The following CYP2F1 variants were observed in gnomAD, a reference collection of about 807,000 sequenced individuals.
CYP2F1 encodes the protein cytochrome P450 family 2 subfamily F member 1, also known as cytochrome P450 2F1.
CYP2F1 carries 33 observed loss-of-function variants against 40.4 expected under a neutral mutation model. That is an observed-to-expected ratio of 0.82 (90% CI 0.62 to 1.09). The LOEUF (loss-of-function observed/expected upper bound fraction) is 1.09, where lower values mean the gene tolerates loss of function less well. Among genes scored for constraint, CYP2F1 ranks in the 50% least tolerant of loss-of-function variants. The pLI, the probability that CYP2F1 is intolerant of heterozygous loss-of-function variation, is 0.00. For missense variants in CYP2F1, 566 were observed against 655.7 expected (o/e 0.86, Z 1.49); for synonymous variants, 235 against 277.2 (o/e 0.85, Z 1.51).
In CYP2F1 at chr19:41,121,966, A is replaced by G. The variant is rs745897100; in HGVS notation, c.655A>G (p.Ile219Val). The part of the protein sequence containing the change: ...MSSPWGELYD[I>V]FPSLLDWVPG... The stretch of plus-strand genomic sequence containing the variant: ...TCTGTCTGGTCCCCAGTTGTACGAC[A>G]TCTTCCCGAGCCTCCTGGACTGGGT... The change falls in exon 6 of 10, where the codon ATC (isoleucine) becomes GTC (valine). Residue 219 changes from isoleucine (I) to valine (V), a missense_variant. Coordinates refer to ENST00000331105, the MANE Select transcript of CYP2F1 (RefSeq NM_000774.5). 7.4e-6 allele frequency: 12 copies of G among 1,613,116 alleles called. No individual in the cohort carries two copies. The highest frequency in any genetic ancestry group is 1.0e-5 in the Non-Finnish European group (12 of 1,179,682).
intron 4 of CYP2F1, 67 bp downstream of exon 4, chr19:41,120,563 C>T: frequency 1.3e-6 from 2 of 1,562,428 alleles, no homozygotes; most frequent in Non-Finnish European, 1.7e-6. Context: ...TGGATGGCAG[C>T]CTTGACCTCC....
chr19:41,124,239 T>C (rs867907495), intron 7 of CYP2F1, among the ~76,000 whole-genome samples: 2 of 110,798 alleles, frequency 1.8e-5, no homozygotes, highest in Admixed American at 9.8e-5. Context: ...TTTTTTTTTT[T>C]CCTCTTCCCC....
At chr19:41,116,785 C>A (rs908392247) in intron 3 of CYP2F1, among the ~76,000 whole-genome samples, 168 bp downstream of exon 3, 3 of 151,956 alleles carry the variant, frequency 2.0e-5, no homozygotes, top group Admixed American at 2.0e-4. Flanking sequence ...AAATTCTCTC[C>A]CACCTTCCTC....
Position 41,124,813 on chromosome 19 carries a change from C to T in CYP2F1, c.1059C>T (p.Ile353=). 6.2e-7 allele frequency: 1 copy of T among 1,611,536 alleles called. No individual in the cohort carries two copies. The highest frequency in any genetic ancestry group is 8.5e-7 in the Non-Finnish European group (1 of 1,179,752). The change falls in exon 8 of 10, where the codon ATC becomes ATT. Residue 353 remains isoleucine (I), a synonymous_variant. Transcript: ENST00000331105. ...RAAMPYTDAV[I]HEVQRFADII... ...CCATGCCTTACACAGACGCGGTGAT[C>T]CACGAGGTGCAGCGCTTTGCAGACA...
At chr19:41,116,418 A>G in intron 2 of CYP2F1, 37 bp from the exon 3 acceptor site, 1 of 1,608,208 alleles carries the variant, frequency 6.2e-7, no homozygotes, top group Non-Finnish European at 8.5e-7. Flanking sequence ...TCCCATGGCC[A>G]CAGGCCCCCC....
At chr19:41,120,283 A>G (rs1205843434) in intron 3 of CYP2F1, 64 bp from the exon 4 acceptor site, 16 of 1,468,022 alleles carry the variant, frequency 1.1e-5, no homozygotes, top group Non-Finnish European at 1.4e-5. Context: ...ATGAAAGGGG[A>G]CCTGGGTGGC....
Position 41,124,741 on chromosome 19 carries a change from C to T in CYP2F1, c.987C>T (p.Asp329=). The change falls in exon 8 of 10, where the codon GAC becomes GAT. Residue 329 remains aspartate, a synonymous_variant. Coordinates refer to ENST00000331105, the MANE Select transcript of CYP2F1 (RefSeq NM_000774.5). ...CAGCCCGCGTGCAGGAGGAGATCGA[C>T]CTCGTGGTGGGACGCGCGCGGCTGC... ...KVQARVQEEI[D]LVVGRARLPA... 6.2e-7 allele frequency: 1 copy of T among 1,604,570 alleles called. No individual in the cohort carries two copies. The highest frequency in any genetic ancestry group is 8.5e-7 in the Non-Finnish European group (1 of 1,179,376).
chr19:41,124,962 C>T, intron 8 of CYP2F1, 56 bp downstream of exon 8: 1 of 1,471,442 alleles, frequency 6.8e-7, no homozygotes, highest in Admixed American at 1.9e-5. Flanking sequence ...ATCGCAGGCT[C>T]TTGCACTGGC....
chr19:41,127,575 C>T (rs1027436432), intron 9 of CYP2F1, among the ~76,000 whole-genome samples: 1 of 152,138 alleles, frequency 6.6e-6, no homozygotes, highest in African/African-American at 2.4e-5. Context: ...CTCAAGGGAT[C>T]CTCTTCCCTC....
At position 41,123,891 on chromosome 19, in the gene CYP2F1, G is replaced by A. The variant is rs1358310040; in HGVS notation, c.965-828G>A. Among the ~76,000 whole-genome samples the A allele has an allele frequency of 3.3e-5, 5 of 152,152 alleles. No homozygotes were observed. The East Asian group carries it at 5.8e-4, about 18-fold the overall frequency. On this transcript the variant is annotated intron_variant, in intron 7 of 9. Coordinates refer to ENST00000331105, the MANE Select transcript of CYP2F1 (RefSeq NM_000774.5). ...ACATGCGTCCACCTCCGGCTTCAGA[G>A]CCCTGCCCTGGAGCCCCAGCCATGT... is the stretch of plus-strand genomic sequence containing the variant.
chr19:41,127,873 G>A (rs533146538), intron 9 of CYP2F1, 28 bp from the exon 10 acceptor site: 924 of 1,593,250 alleles, frequency 5.8e-4, no homozygotes, highest in Middle Eastern at 8.4e-4. Context: ...TTATCTCACC[G>A]CCGCTCCCCA....
intron 9 of CYP2F1, 34 bp from the exon 10 acceptor site, chr19:41,127,867 C>G: frequency 6.3e-7 from 1 of 1,589,434 alleles, no homozygotes; most frequent in Non-Finnish European, 8.6e-7. Context: ...CTCATCTTAT[C>G]TCACCGCCGC....
intron 3 of CYP2F1, among the ~76,000 whole-genome samples, chr19:41,117,116 C>A (rs560439783): frequency 4.6e-5 from 7 of 152,092 alleles, no homozygotes; most frequent in Admixed American, 4.6e-4. Context: ...CCATCCTAGT[C>A]CCTTTAGTCA....
intron 3 of CYP2F1, among the ~76,000 whole-genome samples, chr19:41,119,723 C>CTCTCTCTCTCTCTCTCTCTA (rs1478574507): frequency 2.8e-5 from 1 of 35,804 alleles, no homozygotes. Flanking sequence ...CTCTCTCTCT[C>CTCTCTCTCTCTCTCTCTCTA]TATATATATA....
chr19:41,121,554 G>A lies in CYP2F1; in HGVS notation c.581G>A (p.Arg194His), dbSNP rs746849388. 9.3e-6 allele frequency: 15 copies of A among 1,609,356 alleles called. No individual in the cohort carries two copies. The Admixed American group carries it at 1.2e-4, about 13-fold the overall frequency. ...AGCCGCTTCGACTATGATGATGAGC[G>A]TCTGCTCACCATTATCCGCCTTATC... ...FGSRFDYDDE[R>H]LLTIIRLIND... is the part of the protein sequence containing the mutation. Residue 194 changes from arginine to histidine, a missense_variant, in exon 5 of 10, where the codon CGT (arginine) becomes CAT (histidine). Around this residue, in one of 5 missense-constraint regions of CYP2F1, gnomAD observed 264 missense variants for 275.7 expected, o/e 0.96. Transcript: ENST00000331105.
In CYP2F1 at chr19:41,125,485, C is replaced by T. The variant is rs1369551980; in HGVS notation, c.1153-8C>T. 1.4e-6 allele frequency: 2 copies of T among 1,429,990 alleles called. No individual in the cohort carries two copies. Among genetic ancestry groups the T allele is most frequent in the Admixed American group, 3.7e-5 (2 of 54,216 alleles). 88.6% of individuals were successfully genotyped at this position (1,429,990 alleles called of 1,614,324 possible). A position where few individuals can be genotyped will look rare whatever the true frequency, so the allele number is the denominator to read the frequency against. The stretch of plus-strand genomic sequence containing the variant: ...TACACTGCTAAGTCCACCTCCTCAC[C>T]CACACAGGGCACCGATGTCATCACC... On this transcript the variant is annotated splice_region_variant and splice_polypyrimidine_tract_variant and intron_variant, in intron 8 of 9. Transcript: ENST00000331105.
intron 7 of CYP2F1, 154 bp downstream of exon 7, chr19:41,123,117 C>G: frequency 1.2e-6 from 1 of 838,492 alleles, no homozygotes; most frequent in Non-Finnish European, 2.0e-6. Context: ...GGAGGCCGAT[C>G]CCACCACATG....
chr19:41,115,300 CTCTG>C (rs2031728758), intron 1 of CYP2F1, among the ~76,000 whole-genome samples: 2 of 152,302 alleles, frequency 1.3e-5, no homozygotes, highest in Admixed American at 6.5e-5. Context: ...CCATGTCCCT[CTCTG>C]TCTCTCAGTC....
rs371341517 is a variant in CYP2F1, at chr19:41,124,857, C to G, written c.1103C>G (p.Pro368Arg). ...GCAGACATCATCCCCATGAACTTGC[C>G]GCACCGCGTCACTAGGGACACGGCC... ...RFADIIPMNL[P>R]HRVTRDTAFR... Residue 368 changes from proline (P) to arginine (R), a missense_variant, in exon 8 of 10, where the codon CCG becomes CGG. Physicochemically the swap from Pro to Arg is moderately radical, Grantham distance 103. Transcript: ENST00000331105. 3 of 1,611,016 alleles carry G rather than the reference C, an allele frequency of 1.9e-6. No individual in the cohort carries two copies. The highest frequency in any genetic ancestry group is 1.7e-6 in the Non-Finnish European group (2 of 1,179,726).
Sources: gnomAD v4.1 joint callset for allele counts (sites outside exome capture counted in the v4.1 genomes callset) on GRCh38, gnomAD v4.1.1 for gene constraint, gnomAD v4.1.1 regional missense constraint, MANE v1.5 for transcripts, NCBI Gene and HGNC (gene_info 2026-07-23, HGNC 2026-07-21) for gene names.